Variants in ZNF614 observed in about 807,000 individuals in gnomAD.
ZNF614 encodes the protein zinc finger protein 614.
Under a neutral mutation model 12.8 loss-of-function variants are expected in ZNF614, and 11 were observed. The observed-to-expected ratio is 0.86, with a 90% CI of 0.54 to 1.43. ZNF614 has a LOEUF of 1.43. Ranked by LOEUF, ZNF614 falls within the 40% of genes most tolerant of loss-of-function variation. ZNF614 has a pLI of 0.00. For missense variants in ZNF614, 664 were observed against 708.8 expected (o/e 0.94, Z 0.72); for synonymous variants, 237 against 237.5 (o/e 1.00, Z 0.02).
At chr19:52,020,668 C>T (rs1019200687) in intron 2 of ZNF614, among the ~76,000 whole-genome samples, 4 of 152,168 alleles carry the variant, frequency 2.6e-5, no homozygotes, top group Admixed American at 6.5e-5. Context: ...TGGCTCAAAG[C>T]CACAACTCTC....
chr19:52,015,814 C>CTAG lies in ZNF614; in HGVS notation c.*23_*25dup. On this transcript the variant is annotated 3_prime_UTR_variant, in exon 5 of 5. Coordinates refer to ENST00000270649, the MANE Select transcript of ZNF614 (RefSeq NM_025040.4). Reference sequence around the variant, plus strand: ...AAAAGGCATTTCCATAGTCACGGCACTAGTAGGGTTTTCTTCTGCATGAGT... The same window carrying CTAG: ...AAAAGGCATTTCCATAGTCACGGCACTAGTAGTAGGGTTTTCTTCTGCATGAGT... 6.4e-7 allele frequency: 1 copy of CTAG among 1,574,726 alleles called. No homozygotes were observed.
chr19:52,026,927 A>G (rs1230040149), intron 1 of ZNF614, among the ~76,000 whole-genome samples: 1 of 151,866 alleles, frequency 6.6e-6, no homozygotes, highest in Non-Finnish European at 1.5e-5. Context: ...TTTCCTGCTG[A>G]CCCTCTCCCC....
At chr19:52,023,153 CAAT>C (rs906962108) in intron 2 of ZNF614, among the ~76,000 whole-genome samples, 5 of 144,182 alleles carry the variant, frequency 3.5e-5, no homozygotes, top group Admixed American at 1.4e-4. Flanking sequence ...TGTCTCAAAA[CAAT>C]AATAATAATA....
chr19:52,015,858 C>A lies in ZNF614; in HGVS notation c.1740G>T (p.Gln580His), dbSNP rs748616123. ...QVENSCNGES[Q>H]LLPYK ...CATGAGTTCACTTATAAGGAAGGAG[C>A]TGTGACTCTCCATTACAGGAGTTTT... The change falls in exon 5 of 5, where the codon CAG becomes CAT. Residue 580 changes from glutamine to histidine, a missense_variant. By Grantham distance (24) the Gln-to-His change is conservative. Transcript: ENST00000270649. The A allele has an allele frequency of 1.2e-6, 2 of 1,611,776 alleles. No homozygotes were observed. Among genetic ancestry groups the A allele is most frequent in the South Asian group, 2.2e-5 (2 of 90,752 alleles).
chr19:52,018,944 A>G (rs2086917788), intron 2 of ZNF614, among the ~76,000 whole-genome samples: 2 of 152,126 alleles, frequency 1.3e-5, no homozygotes, highest in African/African-American at 4.8e-5. Flanking sequence ...TAATAGCTCA[A>G]TGCAACCTTG....
chr19:52,016,914 T>C lies in ZNF614; in HGVS notation c.684A>G (p.Ile228Met). The C allele has an allele frequency of 6.2e-7, 1 of 1,614,166 alleles. No homozygotes were observed. The highest frequency in any genetic ancestry group is 8.5e-7 in the Non-Finnish European group (1 of 1,180,026). The change falls in exon 5 of 5, where the codon ATA (isoleucine) becomes ATG (methionine). Residue 228 changes from isoleucine (I) to methionine (M), a missense_variant. Coordinates refer to ENST00000270649, the MANE Select transcript of ZNF614 (RefSeq NM_025040.4). ...ATTGACCACTTCCAGGATTCTCTTGTATACAAATGTTCTCATGGTAAATGA... is the reference window on the plus strand; with the variant it reads ...ATTGACCACTTCCAGGATTCTCTTGCATACAAATGTTCTCATGGTAAATGA... ...SQLIYHENIC[I>M]QENPGSGQCE...
At position 52,016,759 on chromosome 19, in the gene ZNF614, G is replaced by A. The variant is rs765491840; in HGVS notation, c.839C>T (p.Thr280Ile). The A allele has an allele frequency of 1.2e-6, 2 of 1,614,140 alleles. No individual in the cohort carries two copies. Among genetic ancestry groups the A allele is most frequent in the Non-Finnish European group, 1.7e-6 (2 of 1,180,050 alleles). The stretch of plus-strand genomic sequence containing the variant: ...CATATAGGATTTCTCTTCTGTATGG[G>A]TTTGTTGATGTGTAATGAGACTACT... ...VKSSLITHQQ[T>I]HTEEKSYMCS... is the part of the protein sequence containing the mutation. Residue 280 changes from threonine to isoleucine, a missense_variant, in exon 5 of 5, where the codon ACC (threonine) becomes ATC (isoleucine). By Grantham distance (89) the Thr-to-Ile change is moderately conservative. Transcript: ENST00000270649.
chr19:52,016,708 G>T lies in ZNF614; in HGVS notation c.890C>A (p.Thr297Lys), dbSNP rs751456385. The T allele has an allele frequency of 1.9e-6, 3 of 1,614,050 alleles. No homozygotes were observed. The highest frequency in any genetic ancestry group is 1.3e-5 in the African/African-American group (1 of 74,942). The change falls in exon 5 of 5, where the codon ACA becomes AAA. Residue 297 changes from threonine to lysine, a missense_variant. Transcript: ENST00000270649. ...ATGAGCAATTAGATAGCGCTTCATT[G>T]TAAAGCCCTTTCCACACTCACTGCA... is the stretch of plus-strand genomic sequence containing the variant. The part of the protein sequence containing the change: ...YMCSECGKGF[T>K]MKRYLIAHQR...
chr19:52,015,148 A>G lies in ZNF614; in HGVS notation c.*692T>C, dbSNP rs949735559. 1.3e-5 allele frequency: 2 copies of G among 150,422 alleles called. No homozygotes were observed. The highest frequency in any genetic ancestry group is 3.0e-5 in the Non-Finnish European group (2 of 67,530). 9.3% of individuals were successfully genotyped at this position (150,422 alleles called of 1,614,324 possible). A position where few individuals can be genotyped will look rare whatever the true frequency, so the allele number is the denominator to read the frequency against. On this transcript the variant is annotated 3_prime_UTR_variant, in exon 5 of 5. Coordinates refer to ENST00000270649, the MANE Select transcript of ZNF614 (RefSeq NM_025040.4). ...ATGTTTAAGGTTATACTTATTAAGA[A>G]AAAGCACTCAAATATTCATCATTTT...
chr19:52,018,444 C>T lies in ZNF614; in HGVS notation c.66G>A (p.Trp22Ter). Residue 22 changes from tryptophan (W) to a stop codon, truncating the protein, a stop_gained, in exon 3 of 5, where the codon TGG (tryptophan) becomes TGA (stop). Transcript: ENST00000270649. LOFTEE classifies it high-confidence loss of function. ...TCTTCTGAGCAGTGTCCAGGAGCTG[C>T]CACTCCTCCCAGCTGAATTCCACAG... The part of the protein sequence containing the change: ...DVAVEFSWEE[W>*]QLLDTAQKNL... 1 of 1,614,156 alleles carries T rather than the reference C, an allele frequency of 6.2e-7. No homozygotes were observed. Among genetic ancestry groups the T allele is most frequent in the South Asian group, 1.1e-5 (1 of 91,072 alleles).
In ZNF614 at chr19:52,018,573, T is replaced by G. The variant is rs577169207; in HGVS notation, c.16-79A>C. ...AAGTATAAGATAATTTTTTAAAAAT[T>G]TTCACAATACAGCCTGCATCTATAT... On this transcript the variant is annotated intron_variant, in intron 2 of 4. Coordinates refer to ENST00000270649, the MANE Select transcript of ZNF614 (RefSeq NM_025040.4). The G allele has an allele frequency of 2.6e-5, 37 of 1,416,260 alleles. No individual in the cohort carries two copies. In the African/African-American group the frequency reaches 5.0e-4, roughly 19 times the overall value. The allele number at this position is 1,416,260 out of a possible 1,614,324, so 87.7% of individuals were successfully genotyped here.
intron 2 of ZNF614, among the ~76,000 whole-genome samples, chr19:52,021,108 G>C (rs1183200582): frequency 4.6e-5 from 7 of 151,892 alleles, no homozygotes; most frequent in African/African-American, 1.7e-4. Flanking sequence ...AGGTGCATGT[G>C]ACAAAAAACT....
Position 52,025,839 on chromosome 19 carries a change from G to C in ZNF614, c.-94C>G, listed in dbSNP as rs2086968109. 7.3e-7 allele frequency: 1 copy of C among 1,370,386 alleles called. No individual in the cohort carries two copies. Among genetic ancestry groups the C allele is most frequent in the Non-Finnish European group, 1.0e-6 (1 of 979,370 alleles). 84.9% of individuals were successfully genotyped at this position (1,370,386 alleles called of 1,614,324 possible). A position where few individuals can be genotyped will look rare whatever the true frequency, so the allele number is the denominator to read the frequency against. The stretch of plus-strand genomic sequence containing the variant: ...GAAGTTTTTGAAGTTTTCCTAGTCA[G>C]AAATATTAGTGTCCACTTAAAGTTG... On this transcript the variant is annotated 5_prime_UTR_variant, in exon 2 of 5. Coordinates refer to ENST00000270649, the MANE Select transcript of ZNF614 (RefSeq NM_025040.4).
At chr19:52,017,553 T>A in intron 4 of ZNF614, 194 bp from the exon 5 acceptor site, 1 of 518,812 alleles carries the variant, frequency 1.9e-6, no homozygotes, top group Non-Finnish European at 3.4e-6. Context: ...ATTACAAAAT[T>A]AGCCGGGCGT....
At position 52,017,374 on chromosome 19, in the gene ZNF614, A is replaced by C; in HGVS notation, c.239-15T>G. 6.4e-7 allele frequency: 1 copy of C among 1,569,042 alleles called. No homozygotes were observed. Among genetic ancestry groups the C allele is most frequent in the Non-Finnish European group, 8.6e-7 (1 of 1,162,604 alleles). On this transcript the variant is annotated splice_polypyrimidine_tract_variant and intron_variant, in intron 4 of 4. Coordinates refer to ENST00000270649, the MANE Select transcript of ZNF614 (RefSeq NM_025040.4). ...TTTCCCGATTCCTAAGAAAGAACAG[A>C]GTAACAAATTCTTCCATGAGAATTG...
Position 52,016,320 on chromosome 19 carries a change from A to C in ZNF614, c.1278T>G (p.Ser426=), listed in dbSNP as rs1467438855. 1 of 1,609,194 alleles carries C rather than the reference A, an allele frequency of 6.2e-7. No homozygotes were observed. Among genetic ancestry groups the C allele is most frequent in the Non-Finnish European group, 8.5e-7 (1 of 1,176,726 alleles). The change falls in exon 5 of 5, where the codon TCT becomes TCG. Residue 426 remains serine, a synonymous_variant. Transcript: ENST00000270649. ...IHQRTHTGEK[S]YICNECGKGF... is the part of the protein sequence containing the mutation. ...CTTTACCACATTCATTGCATATGTA[A>C]GATTTCTCTCCTGTATGAGTTCGCT...
At position 52,018,458 on chromosome 19, in the gene ZNF614, TG is replaced by T; in HGVS notation, c.51del (p.Phe17LeufsTer20). 1 of 1,614,186 alleles carries T rather than the reference TG, an allele frequency of 6.2e-7. No individual in the cohort carries two copies. The highest frequency in any genetic ancestry group is 8.5e-7 in the Non-Finnish European group (1 of 1,180,004). Reference protein sequence around the residue: ...SLTLEDVAVEFSWEEWQLLDT... With the variant: ...SLTLEDVAVEXSWEEWQLLDT... ...TCCAGGAGCTGCCACTCCTCCCAGC[TG>T]AATTCCACAGCCACATCCTCCAGGG... On this transcript the variant is annotated frameshift_variant, in exon 3 of 5. Transcript: ENST00000270649. LOFTEE classifies it high-confidence loss of function.
At chr19:52,021,857 G>GA (rs2086934981) in intron 2 of ZNF614, among the ~76,000 whole-genome samples, 1 of 152,018 alleles carries the variant, frequency 6.6e-6, no homozygotes. Flanking sequence ...TAAGACTCTA[G>GA]AAAAATATTT....
At chr19:52,017,697 T>A in intron 4 of ZNF614, 1 of 317,586 alleles carries the variant, frequency 3.1e-6, no homozygotes, top group Non-Finnish European at 5.6e-6. Flanking sequence ...CGAGACTCAG[T>A]CTAAAAAAAA....
Sources: allele counts gnomAD v4.1 joint callset (sites outside exome capture counted in the v4.1 genomes callset), GRCh38; gene constraint gnomAD v4.1.1; transcripts MANE v1.5; gene names NCBI Gene and HGNC (gene_info 2026-07-23, HGNC 2026-07-21).